Variants in GATAD2B observed in about 807,000 individuals in gnomAD.
GATAD2B encodes the protein transcriptional repressor p66-beta.
GATAD2B carries 8 observed loss-of-function variants against 64.3 expected under a neutral mutation model. The ratio of observed to expected loss-of-function variants is 0.12; its 90% CI spans 0.07 to 0.22. The LOEUF is 0.22. Ranked by LOEUF, GATAD2B falls within the 10% of genes least tolerant of loss-of-function variation. GATAD2B has a pLI of 1.00. For missense variants in GATAD2B, 453 were observed against 752.0 expected, an observed-to-expected ratio of 0.60 and a Z score of 4.65; for synonymous variants, 281 against 271.3, an observed-to-expected ratio of 1.04 and a Z score of -0.35.
intron 2 of GATAD2B, among the ~76,000 whole-genome samples, chr1:153,820,740 C>T (rs1674648367): frequency 6.6e-6 from 1 of 151,934 alleles, no homozygotes. Flanking sequence ...AGCGATCCTC[C>T]CACCTCAGCC....
chr1:153,874,091 A>G (rs948382232), intron 1 of GATAD2B, among the ~76,000 whole-genome samples: 3 of 151,618 alleles, frequency 2.0e-5, no homozygotes, highest in African/African-American at 7.3e-5. Flanking sequence ...GTGAAATCCC[A>G]TCTCTACTAA....
At chr1:153,821,093 C>T (rs1029365445) in intron 2 of GATAD2B, among the ~76,000 whole-genome samples, 11 of 151,158 alleles carry the variant, frequency 7.3e-5, no homozygotes, top group Admixed American at 2.6e-4. Flanking sequence ...AGATTCCCCC[C>T]GCCTCAGCCT....
At chr1:153,845,474 G>A (rs1347610917) in intron 1 of GATAD2B, among the ~76,000 whole-genome samples, 1 of 152,110 alleles carries the variant, frequency 6.6e-6, no homozygotes, top group East Asian at 1.9e-4. Context: ...TGGGCGTGGT[G>A]GTGGCTCACA....
intron 2 of GATAD2B, among the ~76,000 whole-genome samples, chr1:153,822,330 AG>A (rs1477211506): frequency 6.6e-6 from 1 of 152,182 alleles, no homozygotes; most frequent in Non-Finnish European, 1.5e-5. Context: ...TGCTCAAATG[AG>A]TGCCACTTAA....
At chr1:153,916,998 G>A (rs530513667) in intron 1 of GATAD2B, among the ~76,000 whole-genome samples, 5 of 151,040 alleles carry the variant, frequency 3.3e-5, no homozygotes, top group Non-Finnish European at 7.4e-5. Context: ...AGTAGAGATG[G>A]GGTTTCACCA....
At chr1:153,834,239 C>T (rs1472422853) in intron 1 of GATAD2B, among the ~76,000 whole-genome samples, 1 of 151,472 alleles carries the variant, frequency 6.6e-6, no homozygotes, top group Non-Finnish European at 1.5e-5. Context: ...CTCCTGACCT[C>T]GTGATCCGCC....
chr1:153,851,934 A>G (rs1349704625), intron 1 of GATAD2B, among the ~76,000 whole-genome samples: 2 of 152,224 alleles, frequency 1.3e-5, no homozygotes, highest in South Asian at 2.1e-4. Context: ...CATCTGCTAA[A>G]GCCAGAAACT....
intron 2 of GATAD2B, among the ~76,000 whole-genome samples, chr1:153,826,416 G>GTCA: frequency 6.6e-6 from 1 of 152,140 alleles, no homozygotes; most frequent in Non-Finnish European, 1.5e-5. Flanking sequence ...ATCACCTGAG[G>GTCA]TCAGGAGTTC....
chr1:153,869,082 CAA>C (rs1676575070), intron 1 of GATAD2B, among the ~76,000 whole-genome samples: 1 of 152,112 alleles, frequency 6.6e-6, no homozygotes, highest in Admixed American at 6.6e-5. Context: ...CACCTGAGGT[CAA>C]GAGTTCAAGA....
chr1:153,888,683 G>A (rs1345701056), intron 1 of GATAD2B, among the ~76,000 whole-genome samples: 4 of 152,166 alleles, frequency 2.6e-5, no homozygotes, highest in African/African-American at 4.8e-5. Context: ...TAGTAGTCAC[G>A]TTTATCTCTT....
intron 1 of GATAD2B, among the ~76,000 whole-genome samples, chr1:153,859,091 T>C (rs937893416): frequency 6.6e-6 from 1 of 151,958 alleles, no homozygotes; most frequent in Non-Finnish European, 1.5e-5. Flanking sequence ...ACTTTAAGAC[T>C]ATATAGGGTG....
At chr1:153,856,505 T>G (rs1676085240) in intron 1 of GATAD2B, among the ~76,000 whole-genome samples, 1 of 152,230 alleles carries the variant, frequency 6.6e-6, no homozygotes, top group Non-Finnish European at 1.5e-5. Context: ...TACTACTCTA[T>G]TTTTCTATAT....
chr1:153,845,392 GA>G (rs35860233), intron 1 of GATAD2B, among the ~76,000 whole-genome samples: 27,215 of 141,562 alleles, frequency 0.19, 2,574 homozygotes, highest in South Asian at 0.31. Context: ...GTAAAAAAAA[GA>G]AAAAAAAAAA....
chr1:153,853,900 A>C (rs981200546), intron 1 of GATAD2B, among the ~76,000 whole-genome samples: 5 of 152,102 alleles, frequency 3.3e-5, no homozygotes, highest in African/African-American at 1.2e-4. Context: ...TTGAGTCCAA[A>C]CATAAATTTT....
At chr1:153,922,325 G>A (rs982439513) in intron 1 of GATAD2B, among the ~76,000 whole-genome samples, 1 of 150,844 alleles carries the variant, frequency 6.6e-6, no homozygotes, top group African/African-American at 2.4e-5. Flanking sequence ...GAGAGGAAAG[G>A]AGGGGAGCAT....
At chr1:153,863,644 A>G (rs1434677967) in intron 1 of GATAD2B, among the ~76,000 whole-genome samples, 1 of 151,266 alleles carries the variant, frequency 6.6e-6, no homozygotes, top group Non-Finnish European at 1.5e-5. Flanking sequence ...TTTTTTTCCA[A>G]GACAGAGTCT....
At chr1:153,903,622 T>C (rs4845582) in intron 1 of GATAD2B, among the ~76,000 whole-genome samples, 148,023 of 152,268 alleles carry the variant, frequency 0.97, 72,092 homozygotes, top group East Asian at 1. Context: ...ACAGAATTTC[T>C]GTTAACAGGA....
chr1:153,832,215 CAAAAA>C (rs34162294), intron 1 of GATAD2B, among the ~76,000 whole-genome samples: 1 of 146,654 alleles, frequency 6.8e-6, no homozygotes, highest in Admixed American at 6.9e-5. Flanking sequence ...GACTCCATCT[CAAAAA>C]AAAAAAAGTT....
At chr1:153,917,178 A>C (rs1048469272) in intron 1 of GATAD2B, among the ~76,000 whole-genome samples, 1 of 147,116 alleles carries the variant, frequency 6.8e-6, no homozygotes, top group Non-Finnish European at 1.5e-5. Context: ...AGCTCACTGC[A>C]ACCTCCACCT....
Sources: allele counts gnomAD v4.1 joint callset (sites outside exome capture counted in the v4.1 genomes callset), GRCh38; gene constraint gnomAD v4.1.1; transcripts MANE v1.5; gene names NCBI Gene and HGNC (gene_info 2026-07-23, HGNC 2026-07-21).